PARD3B: variants seen among roughly 807,000 people sequenced by gnomAD.
The protein encoded by PARD3B is par-3 family cell polarity regulator beta.
Under a neutral mutation model 130.2 loss-of-function variants are expected in PARD3B, and 103 were observed. That is an observed-to-expected ratio of 0.79 (90% CI 0.67 to 0.93). The LOEUF (loss-of-function observed/expected upper bound fraction) is 0.93. Among genes scored for constraint, PARD3B ranks in the 40% least tolerant of loss-of-function variants. The pLI, the probability that PARD3B is intolerant of heterozygous loss-of-function variation, is 0.00. For missense variants in PARD3B, 1,609 were observed against 1,499.2 expected (o/e 1.07, Z -1.21); for synonymous variants, 583 against 553.2 (o/e 1.05, Z -0.76).
At chr2:204,928,782 C>G (rs1687821060) in intron 2 of PARD3B, among the ~76,000 whole-genome samples, 1 of 152,036 alleles carries the variant, frequency 6.6e-6, no homozygotes. Context: ...TGAGAACATG[C>G]CTTTAACTTT....
chr2:205,367,154 C>T lies in PARD3B; in HGVS notation c.2631-33859C>T, dbSNP rs2044640175. ...AAACTTGTAAAATTTGAAGACATTTCAAAAGAATGCAGTGAGGACGATTAA... is the reference window on the plus strand; with the variant it reads ...AAACTTGTAAAATTTGAAGACATTTTAAAAGAATGCAGTGAGGACGATTAA... On this transcript the variant is annotated intron_variant, in intron 18 of 22. Coordinates refer to ENST00000406610, the MANE Select transcript of PARD3B (RefSeq NM_001302769.2). Among the ~76,000 whole-genome samples, 6 of 152,138 alleles carry T rather than the reference C, an allele frequency of 3.9e-5. 1 individual carries two copies. Among genetic ancestry groups the T allele is most frequent in the Admixed American group, 3.9e-4 (6 of 15,264 alleles).
At chr2:204,765,888 G>T (rs558477619) in intron 2 of PARD3B, among the ~76,000 whole-genome samples, 5 of 152,134 alleles carry the variant, frequency 3.3e-5, no homozygotes, top group African/African-American at 9.7e-5. Flanking sequence ...CAGCAATTTC[G>T]AGCCCATCGA....
At chr2:204,893,504 A>G (rs896089298) in intron 2 of PARD3B, among the ~76,000 whole-genome samples, 1 of 152,208 alleles carries the variant, frequency 6.6e-6, no homozygotes. Flanking sequence ...TAAAGATTCT[A>G]AAGCTGTGCT....
intron 2 of PARD3B, among the ~76,000 whole-genome samples, chr2:204,795,049 A>C (rs1391275687): frequency 6.6e-6 from 1 of 152,262 alleles, no homozygotes; most frequent in Non-Finnish European, 1.5e-5. Context: ...GAAAGTAGAT[A>C]GAAATATTCA....
chr2:204,810,855 A>C (rs2042937440), intron 2 of PARD3B, among the ~76,000 whole-genome samples: 2 of 151,994 alleles, frequency 1.3e-5, no homozygotes, highest in South Asian at 4.1e-4. Context: ...CTCCTCTTCA[A>C]TTTTTTGGAA....
intron 1 of PARD3B, among the ~76,000 whole-genome samples, chr2:204,617,188 G>A (rs945434975): frequency 3.3e-5 from 5 of 152,064 alleles, no homozygotes; most frequent in South Asian, 2.1e-4. Flanking sequence ...TAAGTCTGGG[G>A]TAAATTTATA....
In PARD3B at chr2:205,518,325, T is replaced by C. The variant is rs140561166; in HGVS notation, c.3180+18294T>C. 5.6e-4 allele frequency among the ~76,000 whole-genome samples: 85 copies of C among 152,334 alleles called. 2 individuals are homozygous for C. The East Asian group carries it at 0.016, about 28-fold the overall frequency. On this transcript the variant is annotated intron_variant, in intron 21 of 22. Transcript: ENST00000406610. Reference sequence around the variant, plus strand: ...TGTTGAATTGAACCCTTTACCATTATGTAATGCCCGTCTTTATCTTATCTT... The same window carrying C: ...TGTTGAATTGAACCCTTTACCATTACGTAATGCCCGTCTTTATCTTATCTT...
intron 2 of PARD3B, among the ~76,000 whole-genome samples, chr2:204,771,804 T>C (rs566297963): frequency 1.7e-4 from 26 of 152,268 alleles, no homozygotes; most frequent in African/African-American, 5.5e-4. Context: ...GATGCTTGTG[T>C]ATAAGAATGG....
rs978985695 is a variant in PARD3B at position 204,738,546 on chromosome 2, A to G, written c.222+52264A>G. ...CTAGTTTATTAGGTAGGAGTTCTGA[A>G]GGCCAGAAATCTGGACAGACTGAGC... On this transcript the variant is annotated intron_variant, in intron 2 of 22. Coordinates refer to ENST00000406610, the MANE Select transcript of PARD3B (RefSeq NM_001302769.2). 3.3e-5 allele frequency among the ~76,000 whole-genome samples: 5 copies of G among 152,190 alleles called. No homozygotes were observed. The East Asian group carries it at 9.6e-4, about 29-fold the overall frequency.
chr2:204,697,106 C>T (rs2037646781), intron 2 of PARD3B, among the ~76,000 whole-genome samples: 2 of 152,056 alleles, frequency 1.3e-5, no homozygotes, highest in Non-Finnish European at 2.9e-5. Context: ...TGAAGAATCT[C>T]ATAGTTCTTA....
At chr2:205,016,400 G>A (rs141616114) in intron 3 of PARD3B, among the ~76,000 whole-genome samples, 11 of 152,064 alleles carry the variant, frequency 7.2e-5, no homozygotes, top group African/African-American at 1.7e-4. Flanking sequence ...GTACCTTCAC[G>A]TGTCTTTCAC....
chr2:205,489,229 C>T (rs2049570865), intron 20 of PARD3B, among the ~76,000 whole-genome samples: 1 of 151,902 alleles, frequency 6.6e-6, no homozygotes. Flanking sequence ...GACAAAATGC[C>T]TTGAGACAAT....
intron 2 of PARD3B, among the ~76,000 whole-genome samples, chr2:204,928,503 G>A (rs36049194): frequency 0.23 from 34,884 of 151,992 alleles, 4,407 homozygotes; most frequent in Non-Finnish European, 0.29. Flanking sequence ...ATATAAACGT[G>A]TATGCCTAAA....
At chr2:205,335,907 C>G (rs778533914) in intron 18 of PARD3B, among the ~76,000 whole-genome samples, 1 of 152,128 alleles carries the variant, frequency 6.6e-6, no homozygotes, top group East Asian at 1.9e-4. Context: ...GAGAACAGCA[C>G]GGGTAAGAAC....
intron 3 of PARD3B, among the ~76,000 whole-genome samples, chr2:204,975,177 T>C (rs76600082): frequency 0.028 from 4,292 of 152,288 alleles, 86 homozygotes; most frequent in Middle Eastern, 0.054. Flanking sequence ...TTCCCATAGC[T>C]TGGTTAATTG....
At chr2:205,540,494 A>G (rs2052076863) in intron 21 of PARD3B, among the ~76,000 whole-genome samples, 1 of 152,188 alleles carries the variant, frequency 6.6e-6, no homozygotes, top group Non-Finnish European at 1.5e-5. Flanking sequence ...GTTCAATGCT[A>G]TTGAAATCAA....
At position 205,185,552 on chromosome 2, in the gene PARD3B, C is replaced by A. The variant is rs945042530; in HGVS notation, c.1925-212C>A. 3.3e-5 allele frequency among the ~76,000 whole-genome samples: 5 copies of A among 152,076 alleles called. No individual in the cohort carries two copies. The East Asian group carries it at 9.6e-4, about 29-fold the overall frequency. On this transcript the variant is annotated intron_variant, in intron 13 of 22. Transcript: ENST00000406610. ...TTTGCTAGGGGTTGCCTGCAGGTCA[C>A]CAGTGTAAAAACATATTAGCAGGCT...
intron 3 of PARD3B, among the ~76,000 whole-genome samples, chr2:205,019,384 T>C (rs1439195436): frequency 6.6e-6 from 1 of 152,218 alleles, no homozygotes; most frequent in Non-Finnish European, 1.5e-5. Flanking sequence ...TGTTCATTTA[T>C]AAGTTGATGG....
At chr2:205,119,626 A>AG (rs1396199114) in intron 7 of PARD3B, among the ~76,000 whole-genome samples, 5 of 152,026 alleles carry the variant, frequency 3.3e-5, no homozygotes, top group African/African-American at 1.2e-4. Context: ...TAAAGGTACG[A>AG]GAAAAATTAG....
Sources: allele counts gnomAD v4.1 joint callset (sites outside exome capture counted in the v4.1 genomes callset), GRCh38; gene constraint gnomAD v4.1.1; transcripts MANE v1.5; gene names NCBI Gene and HGNC (gene_info 2026-07-23, HGNC 2026-07-21).